The following CACNA1D variants were observed in gnomAD, a reference collection of about 807,000 sequenced individuals.
The protein encoded by CACNA1D is calcium voltage-gated channel subunit alpha1 D.
CACNA1D carries 55 observed loss-of-function variants against 257.1 expected under a neutral mutation model. The ratio of observed to expected loss-of-function variants is 0.21; its 90% CI spans 0.17 to 0.27. The LOEUF is 0.27. Ranked by LOEUF, CACNA1D falls within the 10% of genes least tolerant of loss-of-function variation. The probability of loss-of-function intolerance (pLI) is 1.00; values close to 1 mark genes in which losing one functional copy is unlikely to be tolerated. For synonymous variants in CACNA1D, 980 were observed against 1,014.9 expected, an observed-to-expected ratio of 0.97 and a Z score of 0.65; for missense variants, 1,876 against 2,784.0, an observed-to-expected ratio of 0.67 and a Z score of 7.34.
In CACNA1D at chr3:53,800,951, G is replaced by A. The variant is rs1449285432; in HGVS notation, c.5041-107G>A. 27 of 1,068,918 alleles carry A rather than the reference G, an allele frequency of 2.5e-5. No homozygotes were observed. The highest frequency in any genetic ancestry group is 9.4e-5 in the East Asian group (4 of 42,444). The allele number at this position is 1,068,918 out of a possible 1,614,324, so 66.2% of individuals were successfully genotyped here. A position where few individuals can be genotyped will look rare whatever the true frequency, so the allele number is the denominator to read the frequency against. On this transcript the variant is annotated intron_variant, in intron 41 of 47. Transcript: ENST00000350061. This position sits in a 1 kb window ranked among gnomAD's most constrained non-coding sequence, Gnocchi z 4.3. ...TCAGATTGTTTTACAGGGATCCTAC[G>A]GAGCTTGCCTAGAATTTGTTTTTCA... is the stretch of plus-strand genomic sequence containing the variant.
At chr3:53,659,043 T>G (rs11713811) in intron 4 of CACNA1D, among the ~76,000 whole-genome samples, 1 of 152,170 alleles carries the variant, frequency 6.6e-6, no homozygotes, top group Non-Finnish European at 1.5e-5. Context: ...CATTAAACTT[T>G]GGACACCTTT....
At chr3:53,589,818 C>G (rs1234919266) in intron 3 of CACNA1D, among the ~76,000 whole-genome samples, 1 of 152,128 alleles carries the variant, frequency 6.6e-6, no homozygotes, top group Non-Finnish European at 1.5e-5. Flanking sequence ...AACACTCCAG[C>G]CTCTCATTTC....
chr3:53,596,633 G>A (rs2093374345), intron 3 of CACNA1D, among the ~76,000 whole-genome samples: 1 of 152,174 alleles, frequency 6.6e-6, no homozygotes, highest in African/African-American at 2.4e-5. Context: ...TGGAAGCGCA[G>A]AAGTCAAGAG....
chr3:53,561,112 G>A (rs2092730541), intron 3 of CACNA1D, among the ~76,000 whole-genome samples: 1 of 152,158 alleles, frequency 6.6e-6, no homozygotes, highest in Non-Finnish European at 1.5e-5. Flanking sequence ...AGAAACTGAG[G>A]CACAGAGAGG....
intron 8 of CACNA1D, among the ~76,000 whole-genome samples, chr3:53,686,404 G>A (rs757473534): frequency 6.6e-6 from 1 of 151,980 alleles, no homozygotes; most frequent in Non-Finnish European, 1.5e-5. Flanking sequence ...GACATAATAA[G>A]CACAGTGTCC....
chr3:53,796,970 C>T (rs537949793), intron 40 of CACNA1D, among the ~76,000 whole-genome samples: 17 of 152,184 alleles, frequency 1.1e-4, no homozygotes, highest in African/African-American at 4.1e-4. Flanking sequence ...TGCTAATGAC[C>T]ACTTTTCAAA....
intron 28 of CACNA1D, among the ~76,000 whole-genome samples, chr3:53,752,878 G>A (rs2095238286): frequency 6.6e-6 from 1 of 152,222 alleles, no homozygotes; most frequent in Non-Finnish European, 1.5e-5. Context: ...GGCAAGAAAT[G>A]CAATTGAGTT....
chr3:53,667,820 AGTGTGTGTGTGTGTGTATGCAT>A (rs1321241814), intron 7 of CACNA1D, among the ~76,000 whole-genome samples: 3 of 147,250 alleles, frequency 2.0e-5, no homozygotes, highest in East Asian at 2.0e-4. Flanking sequence ...TAGGAGTGTG[AGTGTGTGTGTGTGTGTATGCAT>A]GTGTGTGTGT....
intron 20 of CACNA1D, among the ~76,000 whole-genome samples, chr3:53,737,280 G>T (rs1404779226): frequency 6.6e-6 from 1 of 152,094 alleles, no homozygotes; most frequent in African/African-American, 2.4e-5. Flanking sequence ...GTCTCAAAAA[G>T]AAAAAATATT....
At chr3:53,607,482 T>C (rs1279266566) in intron 3 of CACNA1D, among the ~76,000 whole-genome samples, 1 of 152,226 alleles carries the variant, frequency 6.6e-6, no homozygotes, top group Non-Finnish European at 1.5e-5. Flanking sequence ...CTCAACCTGC[T>C]GACTTTGAAG....
intron 3 of CACNA1D, among the ~76,000 whole-genome samples, chr3:53,504,888 C>G (rs969595518): frequency 7.9e-5 from 12 of 152,144 alleles, no homozygotes; most frequent in Non-Finnish European, 1.3e-4. Flanking sequence ...GGTGCTACCT[C>G]TTACTTCTCT....
chr3:53,593,589 G>A (rs2093334832), intron 3 of CACNA1D, among the ~76,000 whole-genome samples: 1 of 152,090 alleles, frequency 6.6e-6, no homozygotes. Context: ...GTATATGAGG[G>A]TGTCTGAGGA....
chr3:53,731,017 C>A, intron 16 of CACNA1D, 60 bp from the exon 17 acceptor site: 1 of 1,025,492 alleles, frequency 9.8e-7, no homozygotes, highest in Non-Finnish European at 1.5e-6. Context: ...TCCTGATTAG[C>A]ATTTTTATAC....
intron 8 of CACNA1D, among the ~76,000 whole-genome samples, chr3:53,682,277 G>A (rs182243491): frequency 8.2e-4 from 119 of 145,046 alleles, no homozygotes; most frequent in African/African-American, 3.0e-3. Context: ...CCTGTAATCC[G>A]AGCAATTCAG....
rs2090282847 is a variant in CACNA1D at position 53,494,915 on chromosome 3, A to AT, written c.-245dup. 2 of 496,132 alleles carry AT rather than the reference A, an allele frequency of 4.0e-6. No individual in the cohort carries two copies. Among genetic ancestry groups the AT allele is most frequent in the Admixed American group, 3.2e-5 (1 of 31,044 alleles). The allele number at this position is 496,132 out of a possible 1,614,324, so 30.7% of individuals were successfully genotyped here. A position where few individuals can be genotyped will look rare whatever the true frequency, so the allele number is the denominator to read the frequency against. Reference sequence around the variant, plus strand: ...TAAGATAATATATACATTGGATTTTATTTTTTTAAAAAGTTTATTTTGCTC... The same window carrying AT: ...TAAGATAATATATACATTGGATTTTATTTTTTTTAAAAAGTTTATTTTGCTC... On this transcript the variant is annotated 5_prime_UTR_variant, in exon 1 of 48. Coordinates refer to ENST00000350061, the MANE Select transcript of CACNA1D (RefSeq NM_001128840.3).
chr3:53,646,668 G>C (rs1397101926), intron 3 of CACNA1D, among the ~76,000 whole-genome samples: 1 of 152,202 alleles, frequency 6.6e-6, no homozygotes, highest in African/African-American at 2.4e-5. Context: ...CCTTCCCAAA[G>C]CCTTGGGGCA....
chr3:53,752,947 T>C (rs1352352898), intron 28 of CACNA1D, among the ~76,000 whole-genome samples: 1 of 152,212 alleles, frequency 6.6e-6, no homozygotes, highest in Non-Finnish European at 1.5e-5. Flanking sequence ...AAAAGTTACA[T>C]TGCCTAGTAG....
chr3:53,701,926 C>T (rs989002898), intron 8 of CACNA1D, among the ~76,000 whole-genome samples: 9 of 152,214 alleles, frequency 5.9e-5, no homozygotes, highest in South Asian at 4.1e-4. Flanking sequence ...CTCTTCCCCT[C>T]CTGCAGGGAA....
chr3:53,800,453 G>A lies in CACNA1D; in HGVS notation c.5040+88G>A. 1.1e-6 allele frequency: 1 copy of A among 923,604 alleles called. No individual in the cohort carries two copies. The highest frequency in any genetic ancestry group is 1.8e-6 in the Non-Finnish European group (1 of 550,794). The allele number at this position is 923,604 out of a possible 1,614,324, so 57.2% of individuals were successfully genotyped here. ...TGGGCAGTTAATCATCCACAGAAGA[G>A]TCTGGAGAATGCAGCCCATCCCCAG... On this transcript the variant is annotated intron_variant, in intron 41 of 47. Transcript: ENST00000350061. The surrounding 1 kb of genome is among the most constrained non-coding windows in gnomAD (Gnocchi z 4.3).
Sources: allele counts gnomAD v4.1 joint callset (sites outside exome capture counted in the v4.1 genomes callset), GRCh38; gene constraint gnomAD v4.1.1; non-coding constraint Gnocchi (gnomAD v3.1); transcripts MANE v1.5; gene names NCBI Gene and HGNC (gene_info 2026-07-23, HGNC 2026-07-21).